MYO16: variants seen among roughly 807,000 people sequenced by gnomAD.
The protein encoded by MYO16 is myosin XVI.
Under a neutral mutation model 205.3 loss-of-function variants are expected in MYO16, and 94 were observed. The ratio of observed to expected loss-of-function variants is 0.46; its 90% CI spans 0.39 to 0.54. MYO16 has a LOEUF of 0.54. Among genes scored for constraint, MYO16 ranks in the 20% least tolerant of loss-of-function variants. MYO16 has a pLI of 0.00. For missense variants in MYO16, 2,315 were observed against 2,387.5 expected (o/e 0.97, Z 0.63); for synonymous variants, 988 against 954.0 (o/e 1.04, Z -0.66).
At chr13:108,573,049 C>T in the MYO16 span, among the ~76,000 whole-genome samples, 2 of 152,200 alleles carry the variant, frequency 1.3e-5, no homozygotes, top group South Asian at 2.1e-4. Flanking sequence ...AGCGAACATG[C>T]AGAATCTCTC....
At chr13:109,004,274 T>G (rs531693448) in intron 21 of MYO16, among the ~76,000 whole-genome samples, 1 of 152,288 alleles carries the variant, frequency 6.6e-6, no homozygotes, top group African/African-American at 2.4e-5. Flanking sequence ...ATATATCATA[T>G]AGTCAAAGAA....
intron 34 of MYO16, among the ~76,000 whole-genome samples, chr13:109,188,879 A>C (rs1879795127): frequency 6.6e-6 from 1 of 152,120 alleles, no homozygotes; most frequent in Admixed American, 6.5e-5. Context: ...GGATCACCTG[A>C]GGTCAGGAGT....
intron 22 of MYO16, among the ~76,000 whole-genome samples, chr13:109,018,321 G>C (rs1885898285): frequency 6.6e-6 from 1 of 152,180 alleles, no homozygotes; most frequent in East Asian, 1.9e-4. Flanking sequence ...AAATATTGCA[G>C]AACAGCAAAT....
intron 27 of MYO16, among the ~76,000 whole-genome samples, chr13:109,064,206 C>T (rs1887673456): frequency 6.6e-6 from 1 of 152,084 alleles, no homozygotes. Context: ...CTCAGTTTTG[C>T]CTCTTAGCAT....
At chr13:108,935,716 T>C (rs1378881818) in intron 16 of MYO16, among the ~76,000 whole-genome samples, 1 of 152,134 alleles carries the variant, frequency 6.6e-6, no homozygotes, top group Non-Finnish European at 1.5e-5. Flanking sequence ...TCAACAGGAA[T>C]GCTTCCAACT....
At chr13:108,892,990 G>A (rs1447095191) in intron 14 of MYO16, among the ~76,000 whole-genome samples, 1 of 152,154 alleles carries the variant, frequency 6.6e-6, no homozygotes, top group Non-Finnish European at 1.5e-5. Context: ...GTTAACTTGT[G>A]TGTTTTATTC....
chr13:109,056,690 G>A (rs541567662), intron 27 of MYO16, among the ~76,000 whole-genome samples: 6 of 152,158 alleles, frequency 3.9e-5, no homozygotes, highest in African/African-American at 1.2e-4. Context: ...ATAGTAAGAA[G>A]GTAATTTGGG....
rs531253374 is a variant in MYO16 at position 108,652,163 on chromosome 13, G to A, written c.29-13723G>A. On this transcript the variant is annotated intron_variant, in intron 1 of 34. Transcript: ENST00000457511. ...CCAATGTGTGTGTGTGTGCGCGCGC[G>A]CGCATGTGTGCGCGTGTGTGTGTGT... Among the ~76,000 whole-genome samples the A allele has an allele frequency of 2.1e-4, 32 of 151,216 alleles. No individual in the cohort carries two copies. In the East Asian group the frequency reaches 2.7e-3, roughly 13 times the overall value.
chr13:108,750,969 CAA>C (rs1231023098), intron 4 of MYO16, among the ~76,000 whole-genome samples: 2 of 151,988 alleles, frequency 1.3e-5, no homozygotes, highest in Non-Finnish European at 2.9e-5. Flanking sequence ...TTAGAGTTGA[CAA>C]TATCAGTATG....
Position 108,938,592 on chromosome 13 carries a change from G to C in MYO16, c.1926-19096G>C, listed in dbSNP as rs375819756. Among the ~76,000 whole-genome samples the C allele has an allele frequency of 6.6e-5, 10 of 152,368 alleles. No individual in the cohort carries two copies. The East Asian group carries it at 9.7e-4, about 15-fold the overall frequency. On this transcript the variant is annotated intron_variant, in intron 16 of 34. Transcript: ENST00000457511. ...GGTGGCCTAACCTCCTACTCCAGGA[G>C]AGTGGGTGCTCCAGATGCCTGGAGA...
chr13:108,921,095 G>A (rs1241552463), intron 16 of MYO16, among the ~76,000 whole-genome samples: 1 of 152,224 alleles, frequency 6.6e-6, no homozygotes, highest in Non-Finnish European at 1.5e-5. Context: ...ACTGGACCAA[G>A]CCCGTCTGCC....
intron 1 of MYO16, among the ~76,000 whole-genome samples, chr13:108,605,858 T>A (rs1878938802): frequency 6.6e-6 from 1 of 152,152 alleles, no homozygotes; most frequent in Non-Finnish European, 1.5e-5. Flanking sequence ...GAAACAGTTG[T>A]GAGGGCTCAG....
At chr13:108,535,004 T>G in the MYO16 span, among the ~76,000 whole-genome samples, 1 of 149,536 alleles carries the variant, frequency 6.7e-6, no homozygotes, top group Non-Finnish European at 1.5e-5. Flanking sequence ...TTCCTTCCTC[T>G]TCTTTCCTCT....
intron 27 of MYO16, among the ~76,000 whole-genome samples, chr13:109,077,993 T>G (rs1279075577): frequency 1.3e-5 from 2 of 152,098 alleles, no homozygotes; most frequent in African/African-American, 2.4e-5. Flanking sequence ...CATTTGGGAG[T>G]AGTTTCTATT....
chr13:109,142,391 C>A (rs1877140159), intron 32 of MYO16, among the ~76,000 whole-genome samples: 1 of 151,428 alleles, frequency 6.6e-6, no homozygotes, highest in African/African-American at 2.5e-5. Flanking sequence ...CTGGATCCCC[C>A]ACTCGCCTCC....
intron 4 of MYO16, among the ~76,000 whole-genome samples, chr13:108,769,741 C>T (rs1393506653): frequency 6.6e-6 from 1 of 152,112 alleles, no homozygotes; most frequent in Non-Finnish European, 1.5e-5. Flanking sequence ...GGAGGCCAAA[C>T]TCGCCGATTG....
the MYO16 span, among the ~76,000 whole-genome samples, chr13:108,556,010 G>A: frequency 6.6e-6 from 1 of 152,080 alleles, no homozygotes; most frequent in East Asian, 1.9e-4. Flanking sequence ...TGGACACTTA[G>A]GTTGATCTAT....
chr13:109,014,092 G>A (rs901907011), intron 22 of MYO16, among the ~76,000 whole-genome samples: 18 of 152,224 alleles, frequency 1.2e-4, no homozygotes, highest in South Asian at 4.1e-4. Context: ...GGGTTTTTAT[G>A]GTTTTAGGTC....
At chr13:108,956,684 G>C (rs75137190) in intron 16 of MYO16, among the ~76,000 whole-genome samples, 3,503 of 152,116 alleles carry the variant, frequency 0.023, 128 homozygotes, top group African/African-American at 0.08. Flanking sequence ...ATTATTCCAG[G>C]GATAACCTGA....
Sources: gnomAD v4.1 joint callset for allele counts (sites outside exome capture counted in the v4.1 genomes callset) on GRCh38, gnomAD v4.1.1 for gene constraint, MANE v1.5 for transcripts, NCBI Gene and HGNC (gene_info 2026-07-23, HGNC 2026-07-21) for gene names.